Variants in RPS6KA2 observed in about 807,000 individuals in gnomAD.
The protein encoded by RPS6KA2 is ribosomal protein S6 kinase A2.
In RPS6KA2, 42 loss-of-function variants were observed where a neutral mutation model predicts 91.8. The observed-to-expected ratio is 0.46, with a 90% CI of 0.36 to 0.59. RPS6KA2 has a LOEUF of 0.59. Among genes scored for constraint, RPS6KA2 ranks in the 20% least tolerant of loss-of-function variants. The pLI, the probability that RPS6KA2 is intolerant of heterozygous loss-of-function variation, is 0.00. For missense variants in RPS6KA2, 798 were observed against 978.5 expected, an observed-to-expected ratio of 0.82 and a Z score of 2.46; for synonymous variants, 414 against 393.6, an observed-to-expected ratio of 1.05 and a Z score of -0.61.
chr6:166,688,659 G>A (rs1388948378), intron 2 of RPS6KA2, among the ~76,000 whole-genome samples: 3 of 152,240 alleles, frequency 2.0e-5, no homozygotes, highest in Admixed American at 6.5e-5. Context: ...AGGCGAGAGC[G>A]ACAGCGTCAG....
rs755242166 is a variant in RPS6KA2 at position 166,578,099 on chromosome 6, G to A, written c.100-39315C>T. 5.9e-5 allele frequency among the ~76,000 whole-genome samples: 9 copies of A among 152,302 alleles called. No homozygotes were observed. The South Asian group carries it at 1.9e-3, about 32-fold the overall frequency. On this transcript the variant is annotated intron_variant, in intron 1 of 20. Coordinates refer to ENST00000265678, the MANE Select transcript of RPS6KA2 (RefSeq NM_021135.6). Reference sequence around the variant, plus strand: ...GAGGCCTCCCCAGCCATGAGGAACTGTAAGTCCAATTAAACCTCTTTTTCT... The same window carrying A: ...GAGGCCTCCCCAGCCATGAGGAACTATAAGTCCAATTAAACCTCTTTTTCT...
intron 6 of RPS6KA2, 89 bp from the exon 7 acceptor site, chr6:166,501,013 G>T (rs561664610): frequency 7.9e-7 from 1 of 1,259,024 alleles, no homozygotes. Flanking sequence ...CTGCGGGGCA[G>T]CTGGGGGCGG....
At chr6:166,838,680 T>G (rs73270711) in intron 2 of RPS6KA2, among the ~76,000 whole-genome samples, 7,981 of 152,210 alleles carry the variant, frequency 0.052, 730 homozygotes, top group African/African-American at 0.18. Flanking sequence ...TTTGTGTCAG[T>G]CTTGTTTTCT....
rs866655869 is a variant in RPS6KA2 at position 166,612,985 on chromosome 6, G to A, written c.99+13936C>T. ...GACAGATGCTTGAGCAGTGTTTCCC[G>A]GACCTCCCAGAGAAAGCTGACCCAG... On this transcript the variant is annotated intron_variant, in intron 1 of 20. Coordinates refer to ENST00000265678, the MANE Select transcript of RPS6KA2 (RefSeq NM_021135.6). This position sits in a 1 kb window ranked among gnomAD's most constrained non-coding sequence, Gnocchi z 4.3. Among the ~76,000 whole-genome samples the A allele has an allele frequency of 2.0e-5, 3 of 152,096 alleles. No homozygotes were observed. The highest frequency in any genetic ancestry group is 4.8e-5 in the African/African-American group (2 of 41,410).
At chr6:166,443,073 T>C (rs1779569866) in intron 14 of RPS6KA2, among the ~76,000 whole-genome samples, 1 of 152,206 alleles carries the variant, frequency 6.6e-6, no homozygotes, top group Admixed American at 6.5e-5. Flanking sequence ...ATATACTGTA[T>C]TAAGAATAAT....
chr6:166,451,158 A>G lies in RPS6KA2; in HGVS notation c.1151T>C (p.Ile384Thr). 6.2e-7 allele frequency: 1 copy of G among 1,614,054 alleles called. No homozygotes were observed. Reference sequence around the variant, plus strand: ...CAGATCTTGCTGTGAGGGCTCCTGGATCAGGCTTGAGGCCACAAAGCTGAA... The same window carrying G: ...CAGATCTTGCTGTGAGGGCTCCTGGGTCAGGCTTGAGGCCACAAAGCTGAA... Reference protein sequence around the residue: ...RGFSFVASSLIQEPSQQDLHK... With the variant: ...RGFSFVASSLTQEPSQQDLHK... The change falls in exon 13 of 21, where the codon ATC becomes ACC. Residue 384 changes from isoleucine to threonine, a missense_variant. Physicochemically the swap from Ile to Thr is moderately conservative, Grantham distance 89. Transcript: ENST00000265678.
At chr6:166,681,697 CCCCCG>C (rs1408497930) in intron 2 of RPS6KA2, among the ~76,000 whole-genome samples, 28 of 74,308 alleles carry the variant, frequency 3.8e-4, no homozygotes, top group African/African-American at 1.8e-3. Flanking sequence ...CCCGCCCCCC[CCCCCG>C]CCCCCGCCCA....
intron 12 of RPS6KA2, among the ~76,000 whole-genome samples, chr6:166,453,024 C>A (rs1273552238): frequency 6.6e-6 from 1 of 151,972 alleles, no homozygotes; most frequent in Non-Finnish European, 1.5e-5. Flanking sequence ...ATAGTGAAAC[C>A]CTGTCTCTAC....
rs1206426114 is a variant in RPS6KA2, at chr6:166,612,910, TCCTG to T, written c.99+14007_99+14010del. Among the ~76,000 whole-genome samples, 1 of 152,214 alleles carries T rather than the reference TCCTG, an allele frequency of 6.6e-6. No homozygotes were observed. The highest frequency in any genetic ancestry group is 2.4e-5 in the African/African-American group (1 of 41,448). On this transcript the variant is annotated intron_variant, in intron 1 of 20. Transcript: ENST00000265678. The surrounding 1 kb of genome is among the most constrained non-coding windows in gnomAD (Gnocchi z 4.3). ...CTTCCCCTTCTCTTGTCTTTCTTCT[TCCTG>T]CCTCTTCTCTCCCCTCTCCTCCTGC... is the stretch of plus-strand genomic sequence containing the variant.
chr6:166,493,926 C>T lies in RPS6KA2; in HGVS notation c.748-3185G>A, dbSNP rs532523588. Among the ~76,000 whole-genome samples, 5 of 152,260 alleles carry T rather than the reference C, an allele frequency of 3.3e-5. No individual in the cohort carries two copies. The highest frequency in any genetic ancestry group is 7.2e-5 in the African/African-American group (3 of 41,546). ...CAGCTAAGGAACCTGGAAAGAGTGG[C>T]GGCCCCGGCACAGGCAGGATGCGCC... is the stretch of plus-strand genomic sequence containing the variant. On this transcript the variant is annotated intron_variant, in intron 8 of 20. Transcript: ENST00000265678. This position sits in a 1 kb window ranked among gnomAD's most constrained non-coding sequence, Gnocchi z 4.7.
intron 1 of RPS6KA2, among the ~76,000 whole-genome samples, chr6:166,544,330 C>G (rs762705704): frequency 6.6e-6 from 1 of 152,194 alleles, no homozygotes; most frequent in Non-Finnish European, 1.5e-5. Flanking sequence ...CAGCCGCAGA[C>G]TTGCTGAGAA....
intron 2 of RPS6KA2, among the ~76,000 whole-genome samples, chr6:166,803,693 C>T (rs1779423166): frequency 6.6e-6 from 1 of 152,140 alleles, no homozygotes; most frequent in African/African-American, 2.4e-5. Flanking sequence ...AGCAGGAAAC[C>T]CCACAGAGAC....
intron 1 of RPS6KA2, among the ~76,000 whole-genome samples, chr6:166,623,494 G>A (rs992888885): frequency 2.0e-5 from 3 of 152,186 alleles, no homozygotes; most frequent in African/African-American, 4.8e-5. Context: ...CATGGGTAAC[G>A]TATTTTGTAG....
At chr6:166,794,703 T>C (rs1015328838) in intron 2 of RPS6KA2, among the ~76,000 whole-genome samples, 2 of 151,512 alleles carry the variant, frequency 1.3e-5, no homozygotes, top group African/African-American at 4.9e-5. Context: ...ATGTCCTTTG[T>C]AGGGACATGG....
chr6:166,540,744 G>A (rs538571003), intron 1 of RPS6KA2, among the ~76,000 whole-genome samples: 1 of 152,120 alleles, frequency 6.6e-6, no homozygotes, highest in Admixed American at 6.5e-5. Flanking sequence ...CAGCTTTTGT[G>A]GTGAAATCTC....
rs979807135 is a variant in RPS6KA2, at chr6:166,418,570, C to T, written c.1821-228G>A. On this transcript the variant is annotated intron_variant, in intron 18 of 20. Coordinates refer to ENST00000265678, the MANE Select transcript of RPS6KA2 (RefSeq NM_021135.6). The surrounding 1 kb of genome is among the most constrained non-coding windows in gnomAD (Gnocchi z 4.9). ...AGGTTGATGGGCAAGTGGGAGAGCC[C>T]TGTGAGACCTGTGCTGTATCCCCTC... Among the ~76,000 whole-genome samples the T allele has an allele frequency of 6.6e-6, 1 of 152,230 alleles. No homozygotes were observed. The highest frequency in any genetic ancestry group is 2.4e-5 in the African/African-American group (1 of 41,462).
intron 2 of RPS6KA2, among the ~76,000 whole-genome samples, chr6:166,688,933 G>A (rs1440161524): frequency 6.6e-6 from 1 of 152,224 alleles, no homozygotes; most frequent in Non-Finnish European, 1.5e-5. Context: ...CCCTCACCAT[G>A]CACAGCCTGA....
intron 10 of RPS6KA2, among the ~76,000 whole-genome samples, chr6:166,478,083 G>A (rs1338565194): frequency 6.6e-6 from 1 of 152,166 alleles, no homozygotes; most frequent in African/African-American, 2.4e-5. Context: ...GCAGGGGAGG[G>A]GTGCACAGCA....
intron 2 of RPS6KA2, chr6:166,702,266 A>G (rs1186328949): frequency 2.5e-6 from 4 of 1,613,158 alleles, no homozygotes; most frequent in Non-Finnish European, 3.4e-6. Flanking sequence ...CTGCTTGGAC[A>G]CGGATCCTGG....
Sources: gnomAD v4.1 joint callset for allele counts (sites outside exome capture counted in the v4.1 genomes callset) on GRCh38, gnomAD v4.1.1 for gene constraint, Gnocchi (gnomAD v3.1) non-coding constraint, MANE v1.5 for transcripts, NCBI Gene and HGNC (gene_info 2026-07-23, HGNC 2026-07-21) for gene names.